Variants in GRIP1 observed in about 807,000 individuals in gnomAD.
GRIP1 encodes glutamate receptor-interacting protein 1.
A neutral mutation model predicts 129.9 loss-of-function variants in GRIP1; 45 were observed. That is an observed-to-expected ratio of 0.35 (90% CI 0.27 to 0.44). The LOEUF is 0.44. GRIP1 is among the 20% of genes least tolerant of loss of function. The pLI is 1.00. For synonymous variants in GRIP1, 530 were observed against 520.8 expected (o/e 1.02, Z -0.24); for missense variants, 1,196 against 1,396.8 (o/e 0.86, Z 2.29).
chr12:66,952,951 A>T (rs1367750213), intron 1 of GRIP1, among the ~76,000 whole-genome samples: 10 of 152,230 alleles, frequency 6.6e-5, no homozygotes, highest in Non-Finnish European at 1.5e-4. Flanking sequence ...ACTTTTAAAA[A>T]TATGCTATAT....
chr12:66,402,493 G>A (rs1193140245), intron 16 of GRIP1, among the ~76,000 whole-genome samples: 2 of 152,132 alleles, frequency 1.3e-5, no homozygotes. Flanking sequence ...TTGGGAAGCT[G>A]GAAGAAATGC....
chr12:66,807,397 G>A (rs2039014180), upstream of GRIP1, among the ~76,000 whole-genome samples: 1 of 152,008 alleles, frequency 6.6e-6, no homozygotes, highest in African/African-American at 2.4e-5. Context: ...CACCTGGCCA[G>A]GCGCGGTGGC....
chr12:66,502,611 T>C (rs182333752), intron 7 of GRIP1, among the ~76,000 whole-genome samples: 9 of 152,286 alleles, frequency 5.9e-5, no homozygotes, highest in African/African-American at 1.4e-4. Flanking sequence ...TGTGTTCTCA[T>C]AAGATTTGGC....
At chr12:66,585,926 C>A (rs1565887652) in intron 2 of GRIP1, among the ~76,000 whole-genome samples, 1 of 152,152 alleles carries the variant, frequency 6.6e-6, no homozygotes, top group African/African-American at 2.4e-5. Context: ...TGACCCCTGC[C>A]TCTTCAAAGA....
At chr12:67,053,469 A>G (rs1196635738) in intron 1 of GRIP1, among the ~76,000 whole-genome samples, 1 of 152,230 alleles carries the variant, frequency 6.6e-6, no homozygotes, top group East Asian at 1.9e-4. Context: ...CACAAAAATC[A>G]TATGTCAGAA....
intron 1 of GRIP1, among the ~76,000 whole-genome samples, chr12:66,717,811 T>G (rs1002982586): frequency 6.6e-6 from 1 of 152,136 alleles, no homozygotes; most frequent in Admixed American, 6.6e-5. Flanking sequence ...AAAATTGATT[T>G]AAATCTTACT....
intron 1 of GRIP1, among the ~76,000 whole-genome samples, chr12:66,689,743 C>T (rs1387969836): frequency 6.6e-6 from 1 of 151,990 alleles, no homozygotes; most frequent in Admixed American, 6.6e-5. Context: ...TAACTATAGT[C>T]ACCATGCTGT....
intron 1 of GRIP1, among the ~76,000 whole-genome samples, chr12:66,600,561 T>C (rs2064233724): frequency 6.6e-6 from 1 of 152,182 alleles, no homozygotes; most frequent in Non-Finnish European, 1.5e-5. Flanking sequence ...TCTGCTTTTC[T>C]TTTTCTAGGT....
At chr12:66,757,816 T>C (rs2037344378) in intron 1 of GRIP1, among the ~76,000 whole-genome samples, 1 of 152,210 alleles carries the variant, frequency 6.6e-6, no homozygotes, top group Admixed American at 6.5e-5. Context: ...TATCTCACTG[T>C]AGTTTTGATT....
chr12:66,420,758 G>T lies in GRIP1; in HGVS notation c.1800C>A (p.Leu600=). The T allele has an allele frequency of 6.3e-7, 1 of 1,588,030 alleles. No individual in the cohort carries two copies. Among genetic ancestry groups the T allele is most frequent in the Non-Finnish European group, 8.6e-7 (1 of 1,156,176 alleles). ...TCCCTTTCTTGATATCTGAAATGAC[G>T]AGGGGGTCTCCTGGTTTTCTACTGG... The part of the protein sequence containing the change: ...SPSSRKPGDP[L]VISDIKKGSV... Residue 600 remains leucine (L), a synonymous_variant, in exon 15 of 25, where the codon CTC becomes CTA. Coordinates refer to ENST00000359742, the MANE Select transcript of GRIP1 (RefSeq NM_001366722.1).
chr12:67,021,168 T>A (rs2042861734), intron 1 of GRIP1, among the ~76,000 whole-genome samples: 1 of 152,144 alleles, frequency 6.6e-6, no homozygotes, highest in Non-Finnish European at 1.5e-5. Flanking sequence ...CAAGAAACCA[T>A]CACCACAATC....
In GRIP1 at chr12:66,377,235, C is replaced by G. The variant is rs770798384; in HGVS notation, c.2672G>C (p.Trp891Ser). 46 of 1,613,894 alleles carry G rather than the reference C, an allele frequency of 2.9e-5. No individual in the cohort carries two copies. Among genetic ancestry groups the G allele is most frequent in the Non-Finnish European group, 3.7e-5 (44 of 1,179,900 alleles). ...SAETEQEENF[W>S]SQALEDLETC... is the part of the protein sequence containing the mutation. The stretch of plus-strand genomic sequence containing the variant: ...TTCCAAATCCTCCAGCGCTTGAGAC[C>G]AGAAGTTCTCCTCTTGTTCTGTCTC... The change falls in exon 21 of 25, where the codon TGG becomes TCG. Residue 891 changes from tryptophan (W) to serine (S), a missense_variant. Around this residue, in one of 5 missense-constraint regions of GRIP1, gnomAD observed 427 missense variants for 463.3 expected, o/e 0.92. Transcript: ENST00000359742.
rs898291260 is a variant in GRIP1, at chr12:66,900,773, T to C, written c.58+168277A>G. Among the ~76,000 whole-genome samples the C allele has an allele frequency of 4.6e-5, 7 of 152,286 alleles. No individual in the cohort carries two copies. In the South Asian group the frequency reaches 6.2e-4, roughly 14 times the overall value. The stretch of plus-strand genomic sequence containing the variant: ...ACCCAAGGACTTCTACCTAATCTCA[T>C]TGACCACCCATGGGAAGCTAGGAAA... On this transcript the variant is annotated intron_variant, in intron 1 of 1. Coordinates refer to the GRIP1 transcript ENST00000643019.
chr12:66,933,454 T>C (rs2041433347), intron 1 of GRIP1, among the ~76,000 whole-genome samples: 2 of 152,246 alleles, frequency 1.3e-5, no homozygotes, highest in Non-Finnish European at 2.9e-5. Context: ...GATTTTGAAA[T>C]GTATTTACTA....
intron 22 of GRIP1, among the ~76,000 whole-genome samples, chr12:66,374,963 G>C (rs1381623884): frequency 4.6e-5 from 7 of 152,252 alleles, no homozygotes; most frequent in Non-Finnish European, 8.8e-5. Flanking sequence ...GGTCTCAAGA[G>C]TATGTATTAC....
At chr12:66,527,765 T>A (rs1476449060) in intron 5 of GRIP1, among the ~76,000 whole-genome samples, 2 of 151,898 alleles carry the variant, frequency 1.3e-5, no homozygotes, top group Admixed American at 1.3e-4. Context: ...TGAGTACACA[T>A]GGACACAAAG....
chr12:66,352,139 G>A (rs1165084184), intron 24 of GRIP1, among the ~76,000 whole-genome samples: 3 of 152,170 alleles, frequency 2.0e-5, no homozygotes, highest in Admixed American at 6.5e-5. Context: ...GAATAAAATC[G>A]CTGCCCTCAT....
chr12:66,405,577 T>G (rs1268352282), intron 16 of GRIP1, among the ~76,000 whole-genome samples: 1 of 152,224 alleles, frequency 6.6e-6, no homozygotes, highest in Non-Finnish European at 1.5e-5. Flanking sequence ...GCTCTTCAGA[T>G]ATGATTCTAT....
chr12:66,633,403 G>A (rs1397024640), intron 1 of GRIP1, among the ~76,000 whole-genome samples: 25 of 151,012 alleles, frequency 1.7e-4, no homozygotes, highest in Admixed American at 1.3e-3. Context: ...CTCCCACCTC[G>A]GCCTCCCAAA....
Sources: gnomAD v4.1 joint callset for allele counts (sites outside exome capture counted in the v4.1 genomes callset) on GRCh38, gnomAD v4.1.1 for gene constraint, gnomAD v4.1.1 regional missense constraint, MANE v1.5 for transcripts, NCBI Gene and HGNC (gene_info 2026-07-23, HGNC 2026-07-21) for gene names.